Variants in PACSIN2 observed in about 807,000 individuals in gnomAD.
PACSIN2 encodes protein kinase C and casein kinase substrate in neurons 2, also known as protein kinase C and casein kinase substrate in neurons protein 2.
PACSIN2 carries 25 observed loss-of-function variants against 63.8 expected under a neutral mutation model. The ratio of observed to expected loss-of-function variants is 0.39; its 90% CI spans 0.29 to 0.55. The LOEUF (loss-of-function observed/expected upper bound fraction) is 0.55, where lower values mean the gene tolerates loss of function less well. Ranked by LOEUF, PACSIN2 falls within the 20% of genes least tolerant of loss-of-function variation. PACSIN2 has a pLI of 0.62. For synonymous variants in PACSIN2, 255 were observed against 256.2 expected (o/e 1.00, Z 0.05); for missense variants, 518 against 646.9 (o/e 0.80, Z 2.16).
chr22:42,900,547 T>C (rs1930612868), intron 2 of PACSIN2, among the ~76,000 whole-genome samples: 1 of 152,144 alleles, frequency 6.6e-6, no homozygotes, highest in Non-Finnish European at 1.5e-5. Flanking sequence ...AGTGGCACAA[T>C]CACAGAGGCG....
intron 1 of PACSIN2, among the ~76,000 whole-genome samples, chr22:42,928,260 T>TA (rs1422835113): frequency 6.6e-6 from 1 of 152,174 alleles, no homozygotes; most frequent in African/African-American, 2.4e-5. Flanking sequence ...CTGAAGTCCT[T>TA]AAAGTGATTC....
intron 1 of PACSIN2, among the ~76,000 whole-genome samples, chr22:43,006,280 C>A (rs1418279591): frequency 6.6e-6 from 1 of 152,154 alleles, no homozygotes; most frequent in Non-Finnish European, 1.5e-5. Flanking sequence ...TACAAGCCAC[C>A]GCATCTTTGT....
chr22:42,884,586 C>T, intron 5 of PACSIN2, 25 bp from the exon 6 acceptor site: 1 of 1,603,510 alleles, frequency 6.2e-7, no homozygotes. Flanking sequence ...AGGCACAAGA[C>T]AGAGGTTCAT....
At chr22:43,009,713 T>A (rs550420753) in intron 1 of PACSIN2, among the ~76,000 whole-genome samples, 1 of 152,192 alleles carries the variant, frequency 6.6e-6, no homozygotes, top group African/African-American at 2.4e-5. Flanking sequence ...GGAGGAAAAA[T>A]AATCATATAA....
chr22:42,934,700 T>C (rs192270480), intron 1 of PACSIN2, among the ~76,000 whole-genome samples: 7 of 152,346 alleles, frequency 4.6e-5, no homozygotes, highest in South Asian at 2.1e-4. Context: ...TGTCCCGTTA[T>C]AGTTCCTCTA....
At chr22:42,914,033 T>C (rs1041196957) in intron 1 of PACSIN2, among the ~76,000 whole-genome samples, 14 of 152,188 alleles carry the variant, frequency 9.2e-5, no homozygotes, top group African/African-American at 3.4e-4. Flanking sequence ...TCCAAAGACA[T>C]TGCCGCTGTG....
At chr22:42,981,271 G>A (rs1922091093) in intron 1 of PACSIN2, among the ~76,000 whole-genome samples, 1 of 133,402 alleles carries the variant, frequency 7.5e-6, no homozygotes, top group Non-Finnish European at 1.6e-5. Flanking sequence ...TGAGAAGTGA[G>A]GAGCCCCTCC....
intron 5 of PACSIN2, 116 bp downstream of exon 5, chr22:42,888,527 G>C: frequency 9.8e-7 from 1 of 1,015,306 alleles, no homozygotes; most frequent in South Asian, 1.5e-5. Flanking sequence ...GTGTTTTATT[G>C]GTTATTTATC....
chr22:42,881,588 G>A (rs1051066486), intron 7 of PACSIN2, among the ~76,000 whole-genome samples: 2 of 152,200 alleles, frequency 1.3e-5, no homozygotes, highest in Admixed American at 6.5e-5. Context: ...GGGGCCTAGT[G>A]ACCAATCCAA....
chr22:42,903,091 G>A (rs112581341), intron 2 of PACSIN2, among the ~76,000 whole-genome samples: 16 of 152,282 alleles, frequency 1.1e-4, no homozygotes, highest in South Asian at 2.1e-4. Flanking sequence ...GGGCCTCACC[G>A]GGCCTTCACT....
intron 4 of PACSIN2, 76 bp downstream of exon 4, chr22:42,890,871 G>A (rs1416301645): frequency 1.7e-6 from 2 of 1,189,050 alleles, no homozygotes; most frequent in Non-Finnish European, 2.5e-6. Flanking sequence ...GGAAGTCCTA[G>A]GTGCAGGAGG....
intron 7 of PACSIN2, among the ~76,000 whole-genome samples, chr22:42,881,076 T>C (rs1039766247): frequency 3.9e-5 from 6 of 152,212 alleles, no homozygotes; most frequent in African/African-American, 1.4e-4. Context: ...ACAGCTGCTC[T>C]ACTGCCTCCT....
intron 1 of PACSIN2, among the ~76,000 whole-genome samples, chr22:42,980,448 C>T (rs1922006444): frequency 6.6e-6 from 1 of 150,486 alleles, no homozygotes; most frequent in Non-Finnish European, 1.5e-5. Flanking sequence ...AGAGACCCTC[C>T]CTCAAAAAAA....
chr22:42,925,696 G>T (rs1233222494), intron 1 of PACSIN2, among the ~76,000 whole-genome samples: 2 of 152,160 alleles, frequency 1.3e-5, no homozygotes, highest in Non-Finnish European at 2.9e-5. Flanking sequence ...TTTATGTGAA[G>T]GTGCTATAAC....
At chr22:43,009,863 C>CTTTTTTTTTT (rs762256300) in intron 1 of PACSIN2, among the ~76,000 whole-genome samples, 5 of 131,816 alleles carry the variant, frequency 3.8e-5, no homozygotes, top group Admixed American at 8.1e-5. Flanking sequence ...TTTATTTTTT[C>CTTTTTTTTTT]TATTTTTTTT....
In PACSIN2 at chr22:43,014,179, T is replaced by A. The variant is rs971048871; in HGVS notation, c.-78+842A>T. On this transcript the variant is annotated intron_variant, in intron 1 of 10. Coordinates refer to ENST00000263246, the MANE Select transcript of PACSIN2 (RefSeq NM_001184970.3). ...GATGCCTGGCCAGGCTTGAAAGCCC[T>A]AGAGGAGTAAGGAGTTCGGATTTCT... Among the ~76,000 whole-genome samples, 5 of 151,480 alleles carry A rather than the reference T, an allele frequency of 3.3e-5. No individual in the cohort carries two copies. The East Asian group carries it at 9.7e-4, about 29-fold the overall frequency.
chr22:42,905,307 T>C (rs1015702941), intron 2 of PACSIN2, among the ~76,000 whole-genome samples: 2 of 152,264 alleles, frequency 1.3e-5, no homozygotes, highest in African/African-American at 4.8e-5. Flanking sequence ...TGTCTCCGCG[T>C]GTGCGATGCT....
intron 4 of PACSIN2, 40 bp downstream of exon 4, chr22:42,890,907 A>G (rs1025122030): frequency 8.4e-6 from 13 of 1,540,518 alleles, no homozygotes; most frequent in African/African-American, 2.7e-5. Flanking sequence ...GGTGCCAGGC[A>G]GAGCAAGGCC....
At chr22:42,993,494 AT>A (rs1439670285) in intron 1 of PACSIN2, 2 of 152,254 alleles carry the variant, frequency 1.3e-5, no homozygotes, top group Admixed American at 1.3e-4. Flanking sequence ...CCAAGTAAGA[AT>A]ATCCTTTAGA....
Sources: gnomAD v4.1 joint callset for allele counts (sites outside exome capture counted in the v4.1 genomes callset) on GRCh38, gnomAD v4.1.1 for gene constraint, MANE v1.5 for transcripts, NCBI Gene and HGNC (gene_info 2026-07-23, HGNC 2026-07-21) for gene names.